NAALADL2: variants seen among roughly 807,000 people sequenced by gnomAD.
The protein encoded by NAALADL2 is N-acetylated alpha-linked acidic dipeptidase like 2, also known as inactive N-acetylated-alpha-linked acidic dipeptidase-like protein 2.
NAALADL2 carries 76 observed loss-of-function variants against 87.2 expected under a neutral mutation model. The ratio of observed to expected loss-of-function variants is 0.87; its 90% confidence interval spans 0.72 to 1.05. The LOEUF is 1.05. Ranked by LOEUF, NAALADL2 falls within the 50% of genes least tolerant of loss-of-function variation. The pLI is 0.00. For synonymous variants in NAALADL2, 354 were observed against 331.0 expected, an observed-to-expected ratio of 1.07 and a Z score of -0.75; for missense variants, 1,089 against 945.8, an observed-to-expected ratio of 1.15 and a Z score of -1.99.
intron 2 of NAALADL2, among the ~76,000 whole-genome samples, chr3:174,563,134 A>G (rs373358387): frequency 2.6e-5 from 4 of 152,084 alleles, no homozygotes; most frequent in South Asian, 4.2e-4. Context: ...TCCACATGAA[A>G]GAGTATCTAT....
At chr3:175,417,441 G>A (rs998141701) in intron 5 of NAALADL2, among the ~76,000 whole-genome samples, 7 of 151,848 alleles carry the variant, frequency 4.6e-5, no homozygotes, top group Non-Finnish European at 7.4e-5. Context: ...TGGAATAAAC[G>A]ATGCCTTCAA....
intron 2 of NAALADL2, among the ~76,000 whole-genome samples, chr3:174,563,140 T>C (rs17330411): frequency 0.21 from 32,613 of 151,800 alleles, 3,875 homozygotes; most frequent in South Asian, 0.27. Context: ...TGAAAGAGTA[T>C]CTATAAAATT....
chr3:174,949,833 C>T (rs546035387), intron 1 of NAALADL2, among the ~76,000 whole-genome samples: 8 of 152,316 alleles, frequency 5.3e-5, no homozygotes, highest in African/African-American at 1.7e-4. Context: ...AAGTGTGGAG[C>T]AAGAGTAATA....
chr3:175,806,240 A>C lies in NAALADL2; in HGVS notation c.*3037A>C, dbSNP rs1754690159. The C allele has an allele frequency of 6.6e-6, 1 of 151,944 alleles. No individual in the cohort carries two copies. Among genetic ancestry groups the C allele is most frequent in the Non-Finnish European group, 1.5e-5 (1 of 67,904 alleles). The allele number at this position is 151,944 out of a possible 1,614,324, so 9.4% of individuals were successfully genotyped here. ...GAGAATTCAGGCAAAGGACACAAAG[A>C]CTGGGTACTTGAGAGAAAGTGGGGA... On this transcript the variant is annotated 3_prime_UTR_variant, in exon 14 of 14. Transcript: ENST00000454872.
chr3:174,744,780 A>G (rs755744284), intron 3 of NAALADL2, among the ~76,000 whole-genome samples: 1 of 152,210 alleles, frequency 6.6e-6, no homozygotes, highest in African/African-American at 2.4e-5. Flanking sequence ...TTTAGAAGTC[A>G]AGATTAAGAA....
At chr3:174,843,989 T>G (rs1028905747) in intron 3 of NAALADL2, among the ~76,000 whole-genome samples, 4 of 152,130 alleles carry the variant, frequency 2.6e-5, no homozygotes, top group African/African-American at 9.7e-5. Flanking sequence ...CCTTCACTCA[T>G]TTCCTTTGCT....
chr3:175,599,511 C>A (rs1005063866), intron 10 of NAALADL2, among the ~76,000 whole-genome samples: 4 of 152,030 alleles, frequency 2.6e-5, no homozygotes, highest in African/African-American at 9.7e-5. Flanking sequence ...CAGCTTCTGC[C>A]CTACCCTTCC....
At chr3:175,697,521 A>G (rs1471026203) in intron 11 of NAALADL2, among the ~76,000 whole-genome samples, 1 of 151,506 alleles carries the variant, frequency 6.6e-6, no homozygotes, top group Non-Finnish European at 1.5e-5. Flanking sequence ...ACAAAACCCT[A>G]CTTATGAGGG....
intron 2 of NAALADL2, among the ~76,000 whole-genome samples, chr3:174,601,180 G>A (rs1718424668): frequency 6.6e-6 from 1 of 152,044 alleles, no homozygotes; most frequent in African/African-American, 2.4e-5. Context: ...TGGATCATAT[G>A]GTAGCTCTAT....
intron 2 of NAALADL2, among the ~76,000 whole-genome samples, chr3:175,140,221 T>C (rs1250123485): frequency 1.3e-5 from 2 of 152,154 alleles, no homozygotes; most frequent in Non-Finnish European, 2.9e-5. Context: ...GCATTCCATG[T>C]ACCTAAATCA....
intron 13 of NAALADL2, among the ~76,000 whole-genome samples, chr3:175,786,824 T>A (rs559481683): frequency 6.6e-6 from 1 of 152,204 alleles, no homozygotes; most frequent in Non-Finnish European, 1.5e-5. Flanking sequence ...TGTTCTGTTT[T>A]TTCCCCATCT....
At chr3:175,334,700 G>T (rs1761802246) in intron 5 of NAALADL2, among the ~76,000 whole-genome samples, 1 of 152,246 alleles carries the variant, frequency 6.6e-6, no homozygotes, top group South Asian at 2.1e-4. Context: ...GACTGACAAT[G>T]GTCAGATTGT....
rs1398123990 is a variant in NAALADL2, at chr3:175,810,097, TGTC to T, written c.*6897_*6899del. ...CATTGTACAGAGATTTCATTGTCAT[TGTC>T]GTTGTTGTTAACTGATTTTTAATGA... is the stretch of plus-strand genomic sequence containing the variant. On this transcript the variant is annotated 3_prime_UTR_variant, in exon 14 of 14. Coordinates refer to ENST00000454872, the MANE Select transcript of NAALADL2 (RefSeq NM_207015.3). 6.7e-6 allele frequency: 1 copy of T among 149,600 alleles called. No homozygotes were observed. The highest frequency in any genetic ancestry group is 1.5e-5 in the Non-Finnish European group (1 of 66,404). The allele number at this position is 149,600 out of a possible 1,614,324, so 9.3% of individuals were successfully genotyped here. A position where few individuals can be genotyped will look rare whatever the true frequency, so the allele number is the denominator to read the frequency against.
chr3:175,783,879 C>T (rs1196891384), intron 13 of NAALADL2, among the ~76,000 whole-genome samples: 7 of 143,966 alleles, frequency 4.9e-5, no homozygotes, highest in South Asian at 2.2e-4. Context: ...TACATCCCAT[C>T]GATACCTAAT....
At chr3:174,534,436 A>G (rs922768471) in intron 1 of NAALADL2, among the ~76,000 whole-genome samples, 1 of 152,242 alleles carries the variant, frequency 6.6e-6, no homozygotes, top group Non-Finnish European at 1.5e-5. Flanking sequence ...TTATTTGAGC[A>G]GCTGAATGAC....
intron 1 of NAALADL2, among the ~76,000 whole-genome samples, chr3:174,452,076 C>T (rs1052883002): frequency 1.1e-4 from 16 of 151,558 alleles, no homozygotes; most frequent in South Asian, 2.1e-4. Context: ...CTCCTGGCCT[C>T]GAGTGATCTG....
At chr3:174,886,839 C>T (rs1730213175) in intron 1 of NAALADL2, among the ~76,000 whole-genome samples, 1 of 152,102 alleles carries the variant, frequency 6.6e-6, no homozygotes, top group Non-Finnish European at 1.5e-5. Context: ...GCCATGTCTA[C>T]CTACTTCTCC....
intron 9 of NAALADL2, among the ~76,000 whole-genome samples, chr3:175,562,605 T>C (rs1319635737): frequency 6.6e-6 from 1 of 151,932 alleles, no homozygotes; most frequent in Non-Finnish European, 1.5e-5. Context: ...AATATCAATT[T>C]CTGTAATTAT....
intron 2 of NAALADL2, among the ~76,000 whole-genome samples, chr3:175,162,987 A>T (rs1040368713): frequency 1.3e-5 from 2 of 152,164 alleles, no homozygotes; most frequent in African/African-American, 4.8e-5. Flanking sequence ...CCTGGAACTA[A>T]TCATTTCTTT....
Sources: gnomAD v4.1 joint callset for allele counts (sites outside exome capture counted in the v4.1 genomes callset) on GRCh38, gnomAD v4.1.1 for gene constraint, MANE v1.5 for transcripts, NCBI Gene and HGNC (gene_info 2026-07-23, HGNC 2026-07-21) for gene names.